The following DDI2 variants were observed in gnomAD, a reference collection of about 807,000 sequenced individuals.
DDI2 encodes DDI proteasomal shuttling factor 2.
DDI2 carries 5 observed loss-of-function variants against 48.1 expected under a neutral mutation model. The observed-to-expected ratio is 0.10, with a 90% confidence interval of 0.05 to 0.22. The LOEUF (loss-of-function observed/expected upper bound fraction) is 0.22, where lower values mean the gene tolerates loss of function less well. DDI2 is among the 10% of genes least tolerant of loss of function. The pLI is 1.00. For missense variants in DDI2, 285 were observed against 506.2 expected (o/e 0.56, Z 4.19); for synonymous variants, 205 against 183.6 (o/e 1.12, Z -0.94).
rs3795763 is a variant in DDI2 at position 15,633,482 on chromosome 1, C to T, written c.549C>T (p.Ala183=). The T allele has an allele frequency of 0.27, 442,752 of 1,612,998 alleles. 63,780 individuals are homozygous for T. The highest frequency in any genetic ancestry group is 0.43 in the African/African-American group (32,167 of 74,830). Residue 183 remains alanine (A), a synonymous_variant, in exon 4 of 10, where the codon GCC becomes GCT. Coordinates refer to ENST00000480945, the MANE Select transcript of DDI2 (RefSeq NM_032341.5). The part of the protein sequence containing the change: ...RVLVEQQQDR[A]RREQERIRLF... ...TGGTGGAGCAGCAGCAGGACCGAGC[C>T]CGGAGAGAGCAAGAAAGGATTCGTC...
At position 15,665,531 on chromosome 1, in the gene DDI2, T is replaced by C. The variant is rs2148311744; in HGVS notation, c.*5741T>C. ...ATCTGCTGGTTGTCTTACTACAGCT[T>C]TCTATCTCCGGTGAAAGCCATAAAA... On this transcript the variant is annotated 3_prime_UTR_variant, in exon 10 of 10. Coordinates refer to ENST00000480945, the MANE Select transcript of DDI2 (RefSeq NM_032341.5). 6.6e-6 allele frequency: 1 copy of C among 152,314 alleles called. No individual in the cohort carries two copies. Among genetic ancestry groups the C allele is most frequent in the African/African-American group, 2.4e-5 (1 of 41,570 alleles). 9.4% of individuals were successfully genotyped at this position (152,314 alleles called of 1,614,324 possible).
intron 6 of DDI2, among the ~76,000 whole-genome samples, chr1:15,647,121 A>G (rs1640104046): frequency 6.6e-6 from 1 of 151,974 alleles, no homozygotes; most frequent in African/African-American, 2.4e-5. Flanking sequence ...AGGTTTAAGG[A>G]TCAGCTTTTG....
chr1:15,632,105 G>T (rs777352774), intron 3 of DDI2, among the ~76,000 whole-genome samples: 1 of 152,070 alleles, frequency 6.6e-6, no homozygotes, highest in African/African-American at 2.4e-5. Flanking sequence ...CTCCCAGCTC[G>T]TGTTAGGCTT....
intron 6 of DDI2, among the ~76,000 whole-genome samples, chr1:15,648,942 T>C (rs527409005): frequency 6.6e-6 from 1 of 150,688 alleles, no homozygotes; most frequent in African/African-American, 2.5e-5. Context: ...TCTTTAAAAA[T>C]AGGTCATCTG....
At chr1:15,617,865 CCTCA>C in intron 1 of DDI2, 57 bp downstream of exon 1, 2 of 1,469,542 alleles carry the variant, frequency 1.4e-6, no homozygotes, top group Non-Finnish European at 1.8e-6. Context: ...CGCCTCGGGG[CCTCA>C]CTCCCTCCCT....
chr1:15,661,427 T>C lies in DDI2; in HGVS notation c.*1637T>C. 1 of 1,614,188 alleles carries C rather than the reference T, an allele frequency of 6.2e-7. No individual in the cohort carries two copies. Among genetic ancestry groups the C allele is most frequent in the Non-Finnish European group, 8.5e-7 (1 of 1,180,030 alleles). Reference sequence around the variant, plus strand: ...AAGTCTTTGTCATCCAATTTCATATTGGTTAAAGACTTAGGTCAGGGCATA... The same window carrying C: ...AAGTCTTTGTCATCCAATTTCATATCGGTTAAAGACTTAGGTCAGGGCATA... On this transcript the variant is annotated 3_prime_UTR_variant, in exon 10 of 10. Coordinates refer to ENST00000480945, the MANE Select transcript of DDI2 (RefSeq NM_032341.5).
In DDI2 at chr1:15,638,452, T is replaced by C. The variant is rs1360320121; in HGVS notation, c.760+18T>C. On this transcript the variant is annotated intron_variant, in intron 5 of 9. Transcript: ENST00000480945. The stretch of plus-strand genomic sequence containing the variant: ...TGACTCAGGTGACGTCTCTGTCTTT[T>C]ATTTCTTGGTCTCCCCTCCAACATC... The C allele has an allele frequency of 6.2e-7, 1 of 1,612,914 alleles. No individual in the cohort carries two copies. Among genetic ancestry groups the C allele is most frequent in the Non-Finnish European group, 8.5e-7 (1 of 1,179,302 alleles).
At chr1:15,629,693 C>T (rs1639812605) in intron 2 of DDI2, among the ~76,000 whole-genome samples, 1 of 150,812 alleles carries the variant, frequency 6.6e-6, no homozygotes. Flanking sequence ...AACATCCAGA[C>T]TTATGCAATT....
chr1:15,625,436 A>G (rs1279221027), intron 1 of DDI2, among the ~76,000 whole-genome samples: 1 of 152,018 alleles, frequency 6.6e-6, no homozygotes, highest in Non-Finnish European at 1.5e-5. Context: ...ATGTTTTTTC[A>G]TGATAAAATT....
At chr1:15,656,719 C>A in intron 9 of DDI2, 40 bp downstream of exon 9, 1 of 1,611,748 alleles carries the variant, frequency 6.2e-7, no homozygotes, top group South Asian at 1.1e-5. Context: ...ATCCAGTTGT[C>A]ATCTGTGATC....
At chr1:15,648,845 A>AAC (rs1255653924) in intron 6 of DDI2, among the ~76,000 whole-genome samples, 4 of 151,552 alleles carry the variant, frequency 2.6e-5, no homozygotes, top group African/African-American at 9.7e-5. Context: ...AAAAAAAAAA[A>AAC]AAAAAAACAA....
Position 15,661,593 on chromosome 1 carries a change from A to T in DDI2, c.*1803A>T. On this transcript the variant is annotated 3_prime_UTR_variant, in exon 10 of 10. Coordinates refer to ENST00000480945, the MANE Select transcript of DDI2 (RefSeq NM_032341.5). The stretch of plus-strand genomic sequence containing the variant: ...TTCCACCATTGATTTTTCCTGCCAC[A>T]GATATTGACCGCATTCTCCGTGCTG... The T allele has an allele frequency of 1.9e-6, 3 of 1,614,120 alleles. No homozygotes were observed. The South Asian group carries it at 3.3e-5, about 18-fold the overall frequency.
rs763355085 is a variant in DDI2 at position 15,661,460 on chromosome 1, C to G, written c.*1670C>G. ...GACTTAGGTCAGGGCATACAGAATT[C>G]AGTAACAGACAGGCCTGAAACCAGA... On this transcript the variant is annotated 3_prime_UTR_variant, in exon 10 of 10. Transcript: ENST00000480945. The G allele has an allele frequency of 1.7e-5, 28 of 1,613,768 alleles. No homozygotes were observed. The highest frequency in any genetic ancestry group is 3.3e-4 in the Middle Eastern group (2 of 6,082).
At chr1:15,620,152 T>C (rs1353930870) in intron 1 of DDI2, among the ~76,000 whole-genome samples, 4 of 152,350 alleles carry the variant, frequency 2.6e-5, no homozygotes, top group Non-Finnish European at 5.9e-5. Flanking sequence ...AATTAGCATA[T>C]AGAAACTTGG....
rs962987072 is a variant in DDI2, at chr1:15,630,684, T to A, written c.505+123T>A. ...ATTTATTGAACATACCAGTTTTTTCTCTGTGAGAGGTAAATTAGTGCTAAA... is the reference window on the plus strand; with the variant it reads ...ATTTATTGAACATACCAGTTTTTTCACTGTGAGAGGTAAATTAGTGCTAAA... On this transcript the variant is annotated intron_variant, in intron 3 of 9. Transcript: ENST00000480945. 31 of 711,806 alleles carry A rather than the reference T, an allele frequency of 4.4e-5. 1 individual carries two copies. In the Admixed American group the frequency reaches 5.2e-4, roughly 12 times the overall value. 44.1% of individuals were successfully genotyped at this position (711,806 alleles called of 1,614,324 possible).
chr1:15,636,723 G>A (rs1337319454), intron 4 of DDI2, among the ~76,000 whole-genome samples: 1 of 152,226 alleles, frequency 6.6e-6, no homozygotes, highest in Admixed American at 6.5e-5. Context: ...GCCTCCCAAA[G>A]TGCTGGGATT....
intron 1 of DDI2, 61 bp from the exon 2 acceptor site, chr1:15,626,608 C>T (rs61782440): frequency 0.025 from 39,661 of 1,594,474 alleles, 589 homozygotes; most frequent in Non-Finnish European, 0.029. Flanking sequence ...ACTGGTCCTT[C>T]TGCCTTGCGC....
intron 3 of DDI2, among the ~76,000 whole-genome samples, chr1:15,631,760 C>G (rs1557614538): frequency 1.3e-5 from 2 of 151,764 alleles, no homozygotes; most frequent in Non-Finnish European, 2.9e-5. Context: ...TATTTTTAAA[C>G]TTCATGTATA....
At position 15,660,237 on chromosome 1, in the gene DDI2, T is replaced by G. The variant is rs760065506; in HGVS notation, c.*447T>G. The G allele has an allele frequency of 6.3e-5, 102 of 1,614,056 alleles. No homozygotes were observed. Among genetic ancestry groups the G allele is most frequent in the African/African-American group, 8.0e-5 (6 of 74,928 alleles). On this transcript the variant is annotated 3_prime_UTR_variant, in exon 10 of 10. Coordinates refer to ENST00000480945, the MANE Select transcript of DDI2 (RefSeq NM_032341.5). ...AAAGAAGCACCCAGGGCCTCAAATTTCATCTCCATACAAGACAGGAAGCTA... is the reference window on the plus strand; with the variant it reads ...AAAGAAGCACCCAGGGCCTCAAATTGCATCTCCATACAAGACAGGAAGCTA...
Sources: allele counts gnomAD v4.1 joint callset (sites outside exome capture counted in the v4.1 genomes callset), GRCh38; gene constraint gnomAD v4.1.1; transcripts MANE v1.5; gene names NCBI Gene and HGNC (gene_info 2026-07-23, HGNC 2026-07-21).